The following DENND4C variants were observed in gnomAD, a reference collection of about 807,000 sequenced individuals.
DENND4C encodes DENN domain containing 4C.
Under a neutral mutation model 203.0 loss-of-function variants are expected in DENND4C, and 108 were observed. The ratio of observed to expected loss-of-function variants is 0.53; its 90% CI spans 0.46 to 0.62. The LOEUF is 0.62. Among genes scored for constraint, DENND4C ranks in the 20% least tolerant of loss-of-function variants. The pLI is 0.00. For missense variants in DENND4C, 2,481 were observed against 2,301.2 expected (o/e 1.08, Z -1.60); for synonymous variants, 871 against 792.4 (o/e 1.10, Z -1.67).
rs1241638530 is a variant in DENND4C at position 19,233,705 on chromosome 9, G to C, written c.-18+2872G>C. 4.0e-5 allele frequency among the ~76,000 whole-genome samples: 6 copies of C among 150,774 alleles called. 1 individual carries two copies. Among genetic ancestry groups the C allele is most frequent in the African/African-American group, 1.5e-4 (6 of 41,002 alleles). ...CCTCCCAGATGCAAGCGATTCTCCT[G>C]CCTCAGCTTCCCAAATAGCTGGGAT... On this transcript the variant is annotated intron_variant, in intron 1 of 32. Coordinates refer to ENST00000434457, the MANE Select transcript of DENND4C (RefSeq NM_001330640.2).
intron 2 of DENND4C, among the ~76,000 whole-genome samples, chr9:19,280,597 G>A (rs1225330311): frequency 6.6e-6 from 1 of 152,034 alleles, no homozygotes; most frequent in Non-Finnish European, 1.5e-5. Flanking sequence ...TATCCCTAAG[G>A]ATGTAGGATA....
chr9:19,371,458 C>A, intron 31 of DENND4C: 1 of 189,092 alleles, frequency 5.3e-6, no homozygotes, highest in Non-Finnish European at 1.1e-5. Context: ...AAAGTTAAGC[C>A]ATTTTTGTTA....
rs531289070 is a variant in DENND4C at position 19,239,765 on chromosome 9, C to T, written c.-18+8932C>T. The stretch of plus-strand genomic sequence containing the variant: ...CCTCCCAAAGTACTGTGATTACAGG[C>T]GTGAGCCACCGTGCCCAGCCAATTT... On this transcript the variant is annotated intron_variant, in intron 1 of 32. Coordinates refer to ENST00000434457, the MANE Select transcript of DENND4C (RefSeq NM_001330640.2). Among the ~76,000 whole-genome samples, 38 of 152,164 alleles carry T rather than the reference C, an allele frequency of 2.5e-4. 1 individual carries two copies. The highest frequency in any genetic ancestry group is 2.0e-3 in the Admixed American group (31 of 15,280).
At chr9:19,241,338 ATTC>A (rs1823655629) in intron 1 of DENND4C, among the ~76,000 whole-genome samples, 1 of 152,096 alleles carries the variant, frequency 6.6e-6, no homozygotes, top group African/African-American at 2.4e-5. Flanking sequence ...CAGAAATATT[ATTC>A]TTTAAATCCT....
Position 19,342,699 on chromosome 9 carries a change from C to T in DENND4C, c.3071C>T (p.Thr1024Ile). 6.2e-7 allele frequency: 1 copy of T among 1,613,728 alleles called. No individual in the cohort carries two copies. The change falls in exon 22 of 33, where the codon ACT becomes ATT. Residue 1024 changes from threonine (T) to isoleucine (I), a missense_variant. This residue lies in a region of DENND4C where 2,289 missense variants were observed against 2,113.3 expected (regional missense o/e 1.08). Transcript: ENST00000434457. ...CCTAGTCCAGAGCCTCACAGTCCTA[C>T]TGAACCTCCTGCATGGGGCAGCAGT... Reference protein sequence around the residue: ...SQPSPEPHSPTEPPAWGSSIV... With the variant: ...SQPSPEPHSPIEPPAWGSSIV...
chr9:19,234,780 G>A (rs150877261), intron 1 of DENND4C, among the ~76,000 whole-genome samples: 56 of 151,222 alleles, frequency 3.7e-4, no homozygotes, highest in African/African-American at 1.3e-3. Flanking sequence ...AAGTTCAAGC[G>A]ATCCACCCAT....
At chr9:19,305,235 G>C in intron 9 of DENND4C, 117 bp from the exon 10 acceptor site, 1 of 813,862 alleles carries the variant, frequency 1.2e-6, no homozygotes, top group Non-Finnish European at 1.9e-6. Context: ...TGAAGTTTAA[G>C]GTAAACAAAA....
rs951373916 is a variant in DENND4C, at chr9:19,272,079, A to G, written c.-17-4079A>G. ...ATTGACTTTTGAACAAAGGTATGAA[A>G]TCATTACAGTGGAGAAAGGATAGTA... On this transcript the variant is annotated intron_variant, in intron 1 of 32. Transcript: ENST00000434457. 1.8e-4 allele frequency among the ~76,000 whole-genome samples: 27 copies of G among 152,226 alleles called. 2 individuals are homozygous for G. The highest frequency in any genetic ancestry group is 7.2e-4 in the Admixed American group (11 of 15,290).
At position 19,372,299 on chromosome 9, in the gene DENND4C, A is replaced by G. The variant is rs1828985173; in HGVS notation, c.*126A>G. The G allele has an allele frequency of 1.8e-6, 2 of 1,142,050 alleles. No homozygotes were observed. Among genetic ancestry groups the G allele is most frequent in the African/African-American group, 1.5e-5 (1 of 64,660 alleles). 70.7% of individuals were successfully genotyped at this position (1,142,050 alleles called of 1,614,324 possible). Reference sequence around the variant, plus strand: ...GGAATTGAAGTAACTCTTGGGGACAATATATAATGAATTATGATTCATATT... The same window carrying G: ...GGAATTGAAGTAACTCTTGGGGACAGTATATAATGAATTATGATTCATATT... On this transcript the variant is annotated 3_prime_UTR_variant, in exon 33 of 33. Transcript: ENST00000434457.
At chr9:19,353,392 C>T (rs1741825288) in intron 26 of DENND4C, among the ~76,000 whole-genome samples, 1 of 152,124 alleles carries the variant, frequency 6.6e-6, no homozygotes, top group Non-Finnish European at 1.5e-5. Flanking sequence ...CTTTGGGAGG[C>T]CCAGACAGGT....
chr9:19,316,909 AG>A, intron 12 of DENND4C, 70 bp downstream of exon 12: 7 of 1,305,978 alleles, frequency 5.4e-6, no homozygotes, highest in Non-Finnish European at 7.4e-6. Flanking sequence ...GTTGCTGCCA[AG>A]AAATACTTAT....
At position 19,372,858 on chromosome 9, in the gene DENND4C, CAAAAAAAAAAA is replaced by C. The variant is rs368857837; in HGVS notation, c.*697_*707del. ...CTTGGGTGACAGAGTGAGACCGTCT[CAAAAAAAAAAA>C]AAAAAAAAAAAGAGAGCAACATATT... On this transcript the variant is annotated 3_prime_UTR_variant, in exon 33 of 33. Transcript: ENST00000434457. 5.7e-5 allele frequency: 3 copies of C among 52,978 alleles called. No individual in the cohort carries two copies. Among genetic ancestry groups the C allele is most frequent in the East Asian group, 5.2e-4 (1 of 1,936 alleles). The allele number at this position is 52,978 out of a possible 1,614,324, so 3.3% of individuals were successfully genotyped here. A position where few individuals can be genotyped will look rare whatever the true frequency, so the allele number is the denominator to read the frequency against.
chr9:19,304,319 G>A (rs12684097), intron 9 of DENND4C, among the ~76,000 whole-genome samples: 2 of 150,746 alleles, frequency 1.3e-5, no homozygotes, highest in African/African-American at 4.9e-5. Context: ...CGAGTAGCTG[G>A]GATTACAGAC....
chr9:19,373,770 ATGAGT>A lies in DENND4C; in HGVS notation c.*1601_*1605del, dbSNP rs1472762703. On this transcript the variant is annotated 3_prime_UTR_variant, in exon 33 of 33. Coordinates refer to ENST00000434457, the MANE Select transcript of DENND4C (RefSeq NM_001330640.2). ...TTACAGTAATTATGCAGATGACTAA[ATGAGT>A]TGACACAGTAAAATTACTTCCATAT... is the stretch of plus-strand genomic sequence containing the variant. Among the ~76,000 whole-genome samples, 1 of 152,076 alleles carries A rather than the reference ATGAGT, an allele frequency of 6.6e-6. No homozygotes were observed. Among genetic ancestry groups the A allele is most frequent in the Non-Finnish European group, 1.5e-5 (1 of 67,930 alleles).
chr9:19,343,263 A>G (rs955673305), intron 22 of DENND4C, among the ~76,000 whole-genome samples: 9 of 152,106 alleles, frequency 5.9e-5, no homozygotes, highest in African/African-American at 1.4e-4. Flanking sequence ...GCCATTTTTT[A>G]TTTGTGATTA....
intron 16 of DENND4C, 152 bp downstream of exon 16, chr9:19,328,314 C>G: frequency 2.3e-6 from 2 of 858,800 alleles, no homozygotes; most frequent in Non-Finnish European, 3.4e-6. Context: ...TGCAAGCCTA[C>G]TTAAAATATC....
intron 6 of DENND4C, among the ~76,000 whole-genome samples, chr9:19,296,832 C>T (rs1254558124): frequency 6.6e-6 from 1 of 152,164 alleles, no homozygotes; most frequent in African/African-American, 2.4e-5. Context: ...GTTACTGCTG[C>T]ACACACACCC....
intron 10 of DENND4C, among the ~76,000 whole-genome samples, chr9:19,309,180 T>A (rs2131432879): frequency 6.6e-6 from 1 of 152,264 alleles, no homozygotes. Flanking sequence ...CCCAGTACTT[T>A]GAGAGGCTGA....
At chr9:19,369,777 A>ATAATAAT (rs1554645961) in intron 30 of DENND4C, 60 bp from the exon 31 acceptor site, 1 of 931,248 alleles carries the variant, frequency 1.1e-6, no homozygotes, top group Non-Finnish European at 1.4e-6. Flanking sequence ...AAAAAAAAAA[A>ATAATAAT]AATAATAATA....
Sources: gnomAD v4.1 joint callset for allele counts (sites outside exome capture counted in the v4.1 genomes callset) on GRCh38, gnomAD v4.1.1 for gene constraint, gnomAD v4.1.1 regional missense constraint, MANE v1.5 for transcripts, NCBI Gene and HGNC (gene_info 2026-07-23, HGNC 2026-07-21) for gene names.